Variants in RHOT2 observed in about 807,000 individuals in gnomAD.
RHOT2 encodes the protein ras homolog family member T2, also known as mitochondrial Rho GTPase 2.
In RHOT2, 90 loss-of-function variants were observed where a neutral mutation model predicts 81.6. That is an observed-to-expected ratio of 1.10 (90% CI 0.93 to 1.31). RHOT2 has a LOEUF of 1.31. Among genes scored for constraint, RHOT2 ranks in the 40% most tolerant of loss-of-function variants. The probability of loss-of-function intolerance (pLI) is 0.00; values close to 1 mark genes in which losing one functional copy is unlikely to be tolerated. For synonymous variants in RHOT2, 512 were observed against 370.9 expected (o/e 1.38, Z -4.37); for missense variants, 1,014 against 841.9 (o/e 1.20, Z -2.53).
At position 670,345 on chromosome 16, in the gene RHOT2, G is replaced by A. The variant is rs761863633; in HGVS notation, c.426G>A (p.Glu142=). 11 of 1,612,718 alleles carry A rather than the reference G, an allele frequency of 6.8e-6. No homozygotes were observed. The highest frequency in any genetic ancestry group is 1.7e-5 in the Admixed American group (1 of 60,002). ...LPIMSQFPEI[E]TCVECSAKNL... ...TCATGAGCCAGTTTCCCGAGATTGA[G>A]ACCTGCGTGGAGGTGAGTAGGTCCC... The change falls in exon 7 of 19, where the codon GAG becomes GAA. Residue 142 remains glutamate (E), a synonymous_variant. Transcript: ENST00000315082.
At position 673,912 on chromosome 16, in the gene RHOT2, G is replaced by A. The variant is rs929956438; in HGVS notation, c.*306G>A. 3 of 582,130 alleles carry A rather than the reference G, an allele frequency of 5.2e-6. No individual in the cohort carries two copies. Among genetic ancestry groups the A allele is most frequent in the Non-Finnish European group, 9.7e-6 (3 of 308,826 alleles). 36.1% of individuals were successfully genotyped at this position (582,130 alleles called of 1,614,324 possible). A position where few individuals can be genotyped will look rare whatever the true frequency, so the allele number is the denominator to read the frequency against. On this transcript the variant is annotated 3_prime_UTR_variant, in exon 19 of 19. Transcript: ENST00000315082. ...ATGTGTGTGGGGCCGGGGAGCACAG[G>A]TGTGGGAGCTGGTGACCCCAGACCC...
At chr16:669,734 T>C (rs750457594) in intron 5 of RHOT2, 128 bp downstream of exon 5, 23 of 907,026 alleles carry the variant, frequency 2.5e-5, no homozygotes, top group Non-Finnish European at 4.0e-5. Flanking sequence ...TGGAGTTGCC[T>C]GACGTGGAGT....
Position 672,891 on chromosome 16 carries a change from C to T in RHOT2, c.1528-37C>T, listed in dbSNP as rs556908429. The T allele has an allele frequency of 1.6e-5, 25 of 1,612,640 alleles. No homozygotes were observed. In the East Asian group the frequency reaches 2.2e-4, roughly 14 times the overall value. ...TGTCCCTCCAGCTGTGCCTCGGCCA[C>T]CCCAGGACTGTACCTCATACCACTC... On this transcript the variant is annotated intron_variant, in intron 17 of 18. Transcript: ENST00000315082.
intron 11 of RHOT2, 112 bp from the exon 12 acceptor site, chr16:671,585 G>C: frequency 8.4e-7 from 1 of 1,195,824 alleles, no homozygotes; most frequent in Non-Finnish European, 1.2e-6. Flanking sequence ...GGAGCCTCTG[G>C]GTCCTGTAGG....
intron 6 of RHOT2, 27 bp from the exon 7 acceptor site, chr16:670,222 C>A (rs752081448): frequency 1.2e-6 from 2 of 1,611,844 alleles, no homozygotes; most frequent in Non-Finnish European, 1.7e-6. Context: ...CTCCCCTGCC[C>A]CTGGTGACCA....
At position 670,173 on chromosome 16, in the gene RHOT2, C is replaced by T. The variant is rs2038676752; in HGVS notation, c.327C>T (p.Pro109=). Reference sequence around the variant, plus strand: ...TGAATGGGGGGACCACGCAGGGGCCCAGGTAATGAGGGGATGTGGAAGGGG... The same window carrying T: ...TGAATGGGGGGACCACGCAGGGGCCTAGGTAATGAGGGGATGTGGAAGGGG... ...PLVNGGTTQG[P]RVPIILVGNK... is the part of the protein sequence containing the mutation. Residue 109 remains proline, a splice_region_variant and synonymous_variant, in exon 6 of 19, where the codon CCC becomes CCT. Coordinates refer to ENST00000315082, the MANE Select transcript of RHOT2 (RefSeq NM_138769.3). 1 of 1,604,084 alleles carries T rather than the reference C, an allele frequency of 6.2e-7. No homozygotes were observed.
At position 668,702 on chromosome 16, in the gene RHOT2, A is replaced by C. The variant is rs747152739; in HGVS notation, c.222+3A>C. ...AGCTGCGGGAGGAGATCCACAAGGTACCCGTGGTGCGCGGGACGAGGGAGG... is the reference window on the plus strand; with the variant it reads ...AGCTGCGGGAGGAGATCCACAAGGTCCCCGTGGTGCGCGGGACGAGGGAGG... On this transcript the variant is annotated splice_donor_region_variant and intron_variant, in intron 4 of 18. Coordinates refer to ENST00000315082, the MANE Select transcript of RHOT2 (RefSeq NM_138769.3). 6.3e-7 allele frequency: 1 copy of C among 1,595,394 alleles called. No homozygotes were observed. The highest frequency in any genetic ancestry group is 1.1e-5 in the South Asian group (1 of 88,732).
rs529102950 is a variant in RHOT2, at chr16:668,649, C to T, written c.179-7C>T. 4 of 1,606,954 alleles carry T rather than the reference C, an allele frequency of 2.5e-6. No individual in the cohort carries two copies. The Admixed American group carries it at 6.7e-5, about 27-fold the overall frequency. On this transcript the variant is annotated splice_region_variant and splice_polypyrimidine_tract_variant and intron_variant, in intron 3 of 18. Coordinates refer to ENST00000315082, the MANE Select transcript of RHOT2 (RefSeq NM_138769.3). ...GGGTCCGCAGTGGAGTCTCTTTGTC[C>T]CCCTAGAAGCCGAGCAGACGGACGA...
chr16:672,012 G>GC lies in RHOT2; in HGVS notation c.1097+13dup. The GC allele has an allele frequency of 6.2e-7, 1 of 1,611,598 alleles. No homozygotes were observed. Among genetic ancestry groups the GC allele is most frequent in the Non-Finnish European group, 8.5e-7 (1 of 1,179,472 alleles). On this transcript the variant is annotated intron_variant, in intron 13 of 18. Transcript: ENST00000315082. Reference sequence around the variant, plus strand: ...ACCTCTGCCAGTGGACGTAAGTGCGGCCCACACCATGCCCGCCTGCCGCAC... The same window carrying GC: ...ACCTCTGCCAGTGGACGTAAGTGCGGCCCCACACCATGCCCGCCTGCCGCAC...
At position 672,193 on chromosome 16, in the gene RHOT2, C is replaced by A. The variant is rs767574962; in HGVS notation, c.1195+12C>A. On this transcript the variant is annotated intron_variant, in intron 14 of 18. Transcript: ENST00000315082. Reference sequence around the variant, plus strand: ...CCATGCCATCACAGGTAGGCACCCACCCTCCCTGGGCCTGGGCCCAGTATC... The same window carrying A: ...CCATGCCATCACAGGTAGGCACCCAACCTCCCTGGGCCTGGGCCCAGTATC... The A allele has an allele frequency of 1.9e-6, 3 of 1,612,660 alleles. No individual in the cohort carries two copies. Among genetic ancestry groups the A allele is most frequent in the Non-Finnish European group, 2.5e-6 (3 of 1,179,888 alleles).
Position 668,284 on chromosome 16 carries a change from G to A in RHOT2, c.37+48G>A. ...CGGAGCTGCGGCGGCCGTGAGGCGGGGTGAGGGTCTCGGGGGTCGGGGGGC... is the reference window on the plus strand; with the variant it reads ...CGGAGCTGCGGCGGCCGTGAGGCGGAGTGAGGGTCTCGGGGGTCGGGGGGC... On this transcript the variant is annotated intron_variant, in intron 1 of 18. Coordinates refer to ENST00000315082, the MANE Select transcript of RHOT2 (RefSeq NM_138769.3). The A allele has an allele frequency of 6.9e-6, 8 of 1,167,484 alleles. No homozygotes were observed. The South Asian group carries it at 1.4e-4, about 21-fold the overall frequency. The allele number at this position is 1,167,484 out of a possible 1,614,324, so 72.3% of individuals were successfully genotyped here. A position where few individuals can be genotyped will look rare whatever the true frequency, so the allele number is the denominator to read the frequency against.
rs149596812 is a variant in RHOT2, at chr16:669,216, G to A, written c.223-337G>A. On this transcript the variant is annotated intron_variant, in intron 4 of 18. Transcript: ENST00000315082. ...TCTTGCAGGGTGTTGGGTTGCAGGT[G>A]TGGCCGTGTCTGTCCTGAGCCCTCT... The A allele has an allele frequency of 5.1e-4, 233 of 457,550 alleles. 2 individuals carry two copies. In the East Asian group the frequency reaches 9.3e-3, roughly 18 times the overall value. 28.3% of individuals were successfully genotyped at this position (457,550 alleles called of 1,614,324 possible).
At chr16:673,206 C>T (rs2039268936) in intron 18 of RHOT2, 76 bp downstream of exon 18, 2 of 1,484,556 alleles carry the variant, frequency 1.3e-6, no homozygotes, top group Non-Finnish European at 9.2e-7. Context: ...GGTGTCAGGC[C>T]TGGAACTGGG....
At chr16:668,831 G>A in intron 4 of RHOT2, 132 bp downstream of exon 4, 1 of 984,570 alleles carries the variant, frequency 1.0e-6, no homozygotes, top group Non-Finnish European at 1.5e-6. Flanking sequence ...CCGCACTGAG[G>A]GTTGTCGGGG....
chr16:668,636 G>C lies in RHOT2; in HGVS notation c.179-20G>C, dbSNP rs1370169572. 6.2e-7 allele frequency: 1 copy of C among 1,609,148 alleles called. No individual in the cohort carries two copies. The highest frequency in any genetic ancestry group is 8.5e-7 in the Non-Finnish European group (1 of 1,178,564). On this transcript the variant is annotated intron_variant, in intron 3 of 18. Coordinates refer to ENST00000315082, the MANE Select transcript of RHOT2 (RefSeq NM_138769.3). ...CGGCGGGCCTGCTGGGTCCGCAGTG[G>C]AGTCTCTTTGTCCCCCTAGAAGCCG... is the stretch of plus-strand genomic sequence containing the variant.
intron 8 of RHOT2, 54 bp downstream of exon 8, chr16:670,611 T>TG: frequency 1.2e-6 from 2 of 1,601,250 alleles, no homozygotes; most frequent in Non-Finnish European, 1.7e-6. Flanking sequence ...CAGGGGGTGC[T>TG]GGGTGGGGCG....
chr16:669,093 A>C (rs2038443893), intron 4 of RHOT2: 1 of 390,702 alleles, frequency 2.6e-6, no homozygotes, highest in African/African-American at 2.1e-5. Flanking sequence ...GGCACAGGCC[A>C]CAGCCACCCA....
chr16:674,153 C>G lies in RHOT2; in HGVS notation c.*547C>G. 4.7e-6 allele frequency: 1 copy of G among 214,692 alleles called. No homozygotes were observed. The highest frequency in any genetic ancestry group is 5.5e-5 in the South Asian group (1 of 18,286). The allele number at this position is 214,692 out of a possible 1,614,324, so 13.3% of individuals were successfully genotyped here. On this transcript the variant is annotated 3_prime_UTR_variant, in exon 19 of 19. Coordinates refer to ENST00000315082, the MANE Select transcript of RHOT2 (RefSeq NM_138769.3). ...CTCGGATCCCAGTCTCTGAAGACAA[C>G]TTGCTTTGATTCAACCTAGAATGTG...
At position 668,402 on chromosome 16, in the gene RHOT2, C is replaced by A; in HGVS notation, c.87C>A (p.Phe29Leu). ...TCCTGTCCCTGGTGGGCGAGGAGTT[C>A]CCCGAGGAGGTAAGGGGCACGCCCG... ...SLILSLVGEE[F>L]PEEVPPRAEE... Residue 29 changes from phenylalanine to leucine, a missense_variant, in exon 2 of 19, where the codon TTC becomes TTA. Physicochemically the swap from Phe to Leu is conservative, Grantham distance 22. Coordinates refer to ENST00000315082, the MANE Select transcript of RHOT2 (RefSeq NM_138769.3). The A allele has an allele frequency of 1.3e-6, 2 of 1,487,926 alleles. No homozygotes were observed. The highest frequency in any genetic ancestry group is 1.8e-6 in the Non-Finnish European group (2 of 1,125,454). 92.2% of individuals were successfully genotyped at this position (1,487,926 alleles called of 1,614,324 possible).
Sources: gnomAD v4.1 joint callset for allele counts on GRCh38, gnomAD v4.1.1 for gene constraint, MANE v1.5 for transcripts, NCBI Gene and HGNC (gene_info 2026-07-23, HGNC 2026-07-21) for gene names.